Variants in DST observed in about 807,000 individuals in gnomAD.
DST encodes the protein dystonin, also known as bullous pemphigoid antigen.
In DST, 253 loss-of-function variants were observed where a neutral mutation model predicts 875.2. The observed-to-expected ratio is 0.29, with a 90% CI of 0.26 to 0.32. The LOEUF is 0.32. Ranked by LOEUF, DST falls within the 10% of genes least tolerant of loss-of-function variation. The pLI is 1.00. For missense variants in DST, 8,287 were observed against 9,111.6 expected, an observed-to-expected ratio of 0.91 and a Z score of 3.68; for synonymous variants, 3,124 against 3,197.1, an observed-to-expected ratio of 0.98 and a Z score of 0.77.
At chr6:56,506,972 T>C (rs1249019659) in intron 75 of DST, among the ~76,000 whole-genome samples, 183 bp from the exon 76 acceptor site, 2 of 152,176 alleles carry the variant, frequency 1.3e-5, no homozygotes, top group African/African-American at 4.8e-5. Context: ...ACAGCACCCT[T>C]TTAGTAACAA....
intron 4 of DST, among the ~76,000 whole-genome samples, chr6:56,833,649 C>T (rs940332103): frequency 6.6e-6 from 1 of 151,930 alleles, no homozygotes; most frequent in African/African-American, 2.4e-5. Flanking sequence ...TGTCAGATTG[C>T]TGAACTCAGA....
At chr6:56,619,719 T>C (rs1487375999) in intron 36 of DST, 1 of 1,614,132 alleles carries the variant, frequency 6.2e-7, no homozygotes, top group Non-Finnish European at 8.5e-7. Context: ...CCAAGCTCTC[T>C]GAGTTGTTGA....
rs769840275 is a variant in DST at position 56,552,833 on chromosome 6, T to G, written c.15959A>C (p.Lys5320Thr). ...KYLTMLQTQQ[K>T]SLQALKHQVD... ...CTGATGCTTCAAGGCCTGAAGTGAT[T>G]TCTGCTGAGTTTGCAACATGGTCAG... Residue 5320 changes from lysine (K) to threonine (T), a missense_variant, in exon 61 of 104, where the codon AAA becomes ACA. By Grantham distance (78) the Lys-to-Thr change is moderately conservative. This residue lies in a region of DST where 1,513 missense variants were observed against 1,677.8 expected (regional missense o/e 0.90). Transcript: ENST00000680361. The G allele has an allele frequency of 3.7e-6, 6 of 1,613,178 alleles. No individual in the cohort carries two copies. In the South Asian group the frequency reaches 6.6e-5, roughly 18 times the overall value.
At chr6:56,625,691 C>G (rs1256759859) in intron 34 of DST, among the ~76,000 whole-genome samples, 1 of 150,986 alleles carries the variant, frequency 6.6e-6, no homozygotes, top group Admixed American at 6.6e-5. Context: ...ATATATTTAC[C>G]ACACTATACT....
Position 56,470,055 on chromosome 6 carries a change from T to C in DST, c.22476+73A>G. The stretch of plus-strand genomic sequence containing the variant: ...AACAATTAGAGTGAAAATAAAATGG[T>C]TGTATGAATTGTGCATGATATCGTG... On this transcript the variant is annotated intron_variant, in intron 96 of 103. Coordinates refer to ENST00000680361, the MANE Select transcript of DST (RefSeq NM_001374736.1). The C allele has an allele frequency of 1.9e-6, 3 of 1,601,190 alleles. No individual in the cohort carries two copies. The South Asian group carries it at 3.3e-5, about 18-fold the overall frequency.
At chr6:56,909,918 C>A (rs1426056705) in intron 2 of DST, among the ~76,000 whole-genome samples, 1 of 151,972 alleles carries the variant, frequency 6.6e-6, no homozygotes, top group Non-Finnish European at 1.5e-5. Flanking sequence ...TTTTAATAAC[C>A]CTATATTAAA....
At position 56,609,249 on chromosome 6, in the gene DST, T is replaced by C. The variant is rs1221871035; in HGVS notation, c.5379A>G (p.Thr1793=). The C allele has an allele frequency of 6.2e-7, 1 of 1,613,750 alleles. No individual in the cohort carries two copies. The highest frequency in any genetic ancestry group is 1.7e-5 in the Admixed American group (1 of 59,994). Reference sequence around the variant, plus strand: ...GCTGTGTCTCAAGCAACCTAATTCCTGTGTCATAGTCAATGAGGCCTCTTA... The same window carrying C: ...GCTGTGTCTCAAGCAACCTAATTCCCGTGTCATAGTCAATGAGGCCTCTTA... ...AVLRGLIDYD[T]GIRLLETQLM... is the part of the protein sequence containing the mutation. Residue 1793 remains threonine, a synonymous_variant, in exon 40 of 104, where the codon ACA becomes ACG. Coordinates refer to ENST00000680361, the MANE Select transcript of DST (RefSeq NM_001374736.1).
At chr6:56,599,386 T>C (rs1053822562) in intron 45 of DST, among the ~76,000 whole-genome samples, 5 of 152,144 alleles carry the variant, frequency 3.3e-5, no homozygotes, top group African/African-American at 1.2e-4. Flanking sequence ...TTAGAAGTAT[T>C]TGAATTGAAA....
At chr6:56,940,586 A>C (rs1158283619) in intron 2 of DST, among the ~76,000 whole-genome samples, 1 of 140,966 alleles carries the variant, frequency 7.1e-6, no homozygotes, top group Non-Finnish European at 1.6e-5. Flanking sequence ...TTTTCTTTTT[A>C]TTTACTTTAT....
At chr6:56,510,650 G>A (rs765236818) in intron 73 of DST, among the ~76,000 whole-genome samples, 17 of 152,084 alleles carry the variant, frequency 1.1e-4, no homozygotes, top group Admixed American at 2.6e-4. Context: ...AATCACACAG[G>A]ATTGTGACAC....
chr6:56,847,002 CAAAAA>C (rs569665465), intron 4 of DST, among the ~76,000 whole-genome samples: 3 of 52,004 alleles, frequency 5.8e-5, no homozygotes, highest in South Asian at 7.8e-4. Context: ...GACCCTGTCT[CAAAAA>C]AAAAAAAAAA....
chr6:56,598,081 T>C (rs566995410), intron 46 of DST, 75 bp from the exon 47 acceptor site: 2 of 1,334,270 alleles, frequency 1.5e-6, no homozygotes, highest in Non-Finnish European at 2.0e-6. Flanking sequence ...CAAAAGTAAA[T>C]ACTTAGAACA....
In DST at chr6:56,778,308, G is replaced by A. The variant is rs553323515; in HGVS notation, c.626-43019C>T. Among the ~76,000 whole-genome samples the A allele has an allele frequency of 2.0e-5, 3 of 150,710 alleles. No individual in the cohort carries two copies. In the South Asian group the frequency reaches 6.3e-4, roughly 32 times the overall value. ...GCAGAAATATTGCAAGAGGATTACA[G>A]GTCTGAGGGCCTACTGGTGCCCAGA... On this transcript the variant is annotated intron_variant, in intron 4 of 103. Transcript: ENST00000680361.
At chr6:56,910,489 T>C (rs1308323883) in intron 2 of DST, among the ~76,000 whole-genome samples, 1 of 151,724 alleles carries the variant, frequency 6.6e-6, no homozygotes, top group African/African-American at 2.4e-5. Context: ...TATTTTATTT[T>C]ATTTATTCAT....
intron 4 of DST, among the ~76,000 whole-genome samples, chr6:56,737,458 A>T (rs2099529570): frequency 6.6e-6 from 1 of 152,236 alleles, no homozygotes; most frequent in Non-Finnish European, 1.5e-5. Context: ...TTAAGTTTAA[A>T]CCAAAGTTAA....
At chr6:56,946,081 CTTT>C (rs1819337650) in intron 2 of DST, among the ~76,000 whole-genome samples, 1 of 152,212 alleles carries the variant, frequency 6.6e-6, no homozygotes, top group East Asian at 1.9e-4. Flanking sequence ...CTGTTTTCTT[CTTT>C]TAAGTAGGCC....
At chr6:56,912,670 G>A (rs1799274708) in intron 2 of DST, among the ~76,000 whole-genome samples, 1 of 152,218 alleles carries the variant, frequency 6.6e-6, no homozygotes, top group Non-Finnish European at 1.5e-5. Flanking sequence ...TGGGGGTGGT[G>A]CTCTGCTCCA....
chr6:56,544,474 A>C lies in DST; in HGVS notation c.16609-7534T>G, dbSNP rs986960450. 3.3e-5 allele frequency among the ~76,000 whole-genome samples: 5 copies of C among 152,232 alleles called. 1 individual carries two copies. In the South Asian group the frequency reaches 6.2e-4, roughly 19 times the overall value. ...ACCTCACATTTGAGGTGGGTAGTAC[A>C]TTTTTAAAACTGCACAAATAATTCA... On this transcript the variant is annotated intron_variant, in intron 61 of 103. Coordinates refer to ENST00000680361, the MANE Select transcript of DST (RefSeq NM_001374736.1).
chr6:56,832,359 A>T (rs1397190849), intron 4 of DST, among the ~76,000 whole-genome samples: 1 of 152,088 alleles, frequency 6.6e-6, no homozygotes, highest in Non-Finnish European at 1.5e-5. Flanking sequence ...AGTAAGTCTC[A>T]CGAGATTCTG....
Sources: allele counts gnomAD v4.1 joint callset (sites outside exome capture counted in the v4.1 genomes callset), GRCh38; gene constraint gnomAD v4.1.1; regional missense constraint gnomAD v4.1.1; transcripts MANE v1.5; gene names NCBI Gene and HGNC (gene_info 2026-07-23, HGNC 2026-07-21).